The following C20orf203 variants were observed in gnomAD, a reference collection of about 807,000 sequenced individuals.
C20orf203 encodes uncharacterized protein C20orf203.
C20orf203 carries 16 observed loss-of-function variants against 15.9 expected under a neutral mutation model. The observed-to-expected ratio is 1.01, with a 90% CI of 0.68 to 1.53. C20orf203 has a LOEUF of 1.53. C20orf203 is among the 40% of genes most tolerant of loss of function. C20orf203 has a pLI of 0.00. For synonymous variants in C20orf203, 98 were observed against 97.2 expected, an observed-to-expected ratio of 1.01 and a Z score of -0.05; for missense variants, 263 against 247.5, an observed-to-expected ratio of 1.06 and a Z score of -0.42.
chr20:32,662,376 C>T (rs149409627), intron 1 of C20orf203, among the ~76,000 whole-genome samples: 2,516 of 152,216 alleles, frequency 0.017, 33 homozygotes, highest in Non-Finnish European at 0.027. Context: ...AGGGGGCAGG[C>T]AGATCACCTG....
chr20:32,641,436 G>A (rs764427838), intron 4 of C20orf203, among the ~76,000 whole-genome samples: 29 of 151,674 alleles, frequency 1.9e-4, no homozygotes, highest in Non-Finnish European at 3.1e-4. Context: ...TAACATTTGT[G>A]TAAGTCTGTG....
intron 4 of C20orf203, among the ~76,000 whole-genome samples, chr20:32,644,521 G>A (rs1281487616): frequency 6.6e-6 from 1 of 152,096 alleles, no homozygotes; most frequent in Non-Finnish European, 1.5e-5. Context: ...CCTATGGGTT[G>A]AGCCAGCCCA....
At position 32,650,773 on chromosome 20, in the gene C20orf203, G is replaced by A. The variant is rs867055508; in HGVS notation, c.244C>T (p.Arg82Cys). The stretch of plus-strand genomic sequence containing the variant: ...GGGTGTTGCGGAGGAGGAGGCTGGC[G>A]CTGGTGGCTGGGCTGGGGGTGGACT... The part of the protein sequence containing the change: ...QRVHPQPSHQ[R>C]QPPPPQHPGP... The change falls in exon 4 of 6, where the codon CGC becomes TGC. Residue 82 changes from arginine to cysteine, a missense_variant. Physicochemically the swap from Arg to Cys is radical, Grantham distance 180. Transcript: ENST00000608990. 2.6e-5 allele frequency: 40 copies of A among 1,514,040 alleles called. No individual in the cohort carries two copies. The highest frequency in any genetic ancestry group is 1.7e-4 in the Middle Eastern group (1 of 5,802). The allele number at this position is 1,514,040 out of a possible 1,614,324, so 93.8% of individuals were successfully genotyped here.
intron 4 of C20orf203, among the ~76,000 whole-genome samples, chr20:32,641,111 G>A (rs1259237368): frequency 6.6e-6 from 1 of 151,902 alleles, no homozygotes; most frequent in Admixed American, 6.6e-5. Context: ...TTGAGGCCAG[G>A]AGTTCGAGAC....
chr20:32,658,638 T>C (rs944782728), intron 1 of C20orf203, among the ~76,000 whole-genome samples: 3 of 152,202 alleles, frequency 2.0e-5, no homozygotes, highest in Non-Finnish European at 2.9e-5. Context: ...CAATTTTTGT[T>C]ACTGCAATGG....
At position 32,643,625 on chromosome 20, in the gene C20orf203, CCACACACACACACACACACACA is replaced by C. The variant is rs56325748; in HGVS notation, c.*1178-2960_*1178-2939del. ...GTGTAGACCCAGCCGCTTCCTGGAA[CCACACACACACACACACACACA>C]CACACACACACACACACACACACAC... On this transcript the variant is annotated intron_variant, in intron 4 of 5. Transcript: ENST00000608990. Among the ~76,000 whole-genome samples, 352 of 140,840 alleles carry C rather than the reference CCACACACACACACACACACACA, an allele frequency of 2.5e-3. 3 individuals carry two copies. The highest frequency in any genetic ancestry group is 2.6e-3 in the Non-Finnish European group (168 of 65,330). The allele number at this position is 140,840 out of a possible 152,430, so 92.4% of individuals were successfully genotyped here.
At chr20:32,666,433 C>T (rs1263739628) in intron 1 of C20orf203, among the ~76,000 whole-genome samples, 1 of 150,826 alleles carries the variant, frequency 6.6e-6, no homozygotes, top group Non-Finnish European at 1.5e-5. Flanking sequence ...TGCCACTGCA[C>T]TCCGGCTTGG....
chr20:32,665,659 G>T (rs572117364), intron 1 of C20orf203, among the ~76,000 whole-genome samples: 1 of 152,260 alleles, frequency 6.6e-6, no homozygotes, highest in Admixed American at 6.5e-5. Context: ...ATTTTTCCAG[G>T]AGCCACGACA....
intron 1 of C20orf203, among the ~76,000 whole-genome samples, chr20:32,666,206 T>C (rs1983020963): frequency 6.7e-6 from 1 of 148,826 alleles, no homozygotes; most frequent in Admixed American, 6.7e-5. Context: ...TGGTGGCTCA[T>C]GTGTAATCTC....
At chr20:32,651,477 T>C (rs1439373536) in intron 2 of C20orf203, among the ~76,000 whole-genome samples, 1 of 152,210 alleles carries the variant, frequency 6.6e-6, no homozygotes, top group Admixed American at 6.5e-5. Context: ...AAAGCAGGGC[T>C]GTAGGCTCAG....
chr20:32,637,399 G>C (rs1400027116), intron 5 of C20orf203, among the ~76,000 whole-genome samples: 1 of 152,174 alleles, frequency 6.6e-6, no homozygotes, highest in Non-Finnish European at 1.5e-5. Context: ...CTGGGTGATA[G>C]AGCAAGACTG....
chr20:32,642,777 A>G (rs985335701), intron 4 of C20orf203, among the ~76,000 whole-genome samples: 2 of 152,036 alleles, frequency 1.3e-5, no homozygotes, highest in Non-Finnish European at 2.9e-5. Context: ...CATCTTGAAC[A>G]CCCAGCTCTG....
chr20:32,634,494 G>T (rs888648631), intron 5 of C20orf203, among the ~76,000 whole-genome samples: 2 of 152,170 alleles, frequency 1.3e-5, no homozygotes, highest in Non-Finnish European at 2.9e-5. Flanking sequence ...GGGCTTCCGA[G>T]AATTTCATGT....
intron 5 of C20orf203, among the ~76,000 whole-genome samples, chr20:32,639,610 A>G (rs1437182188): frequency 1.4e-5 from 2 of 142,716 alleles, no homozygotes; most frequent in Non-Finnish European, 3.1e-5. Context: ...ACCCTGTAAC[A>G]ATATTTTTTT....
intron 1 of C20orf203, among the ~76,000 whole-genome samples, chr20:32,659,557 G>A (rs928273026): frequency 6.6e-6 from 1 of 152,248 alleles, no homozygotes; most frequent in African/African-American, 2.4e-5. Flanking sequence ...GGACCCAGGT[G>A]CTCAAAGTGG....
chr20:32,665,332 A>G (rs1426966450), intron 1 of C20orf203, among the ~76,000 whole-genome samples: 1 of 152,232 alleles, frequency 6.6e-6, no homozygotes. Context: ...GACACCTGAC[A>G]GGGAGCAGGT....
At chr20:32,634,309 G>C (rs1982080424) in intron 5 of C20orf203, 39 bp from the exon 6 acceptor site, 1 of 398,018 alleles carries the variant, frequency 2.5e-6, no homozygotes, top group African/African-American at 2.1e-5. Context: ...CAGGCATTGG[G>C]AGGGGAGGCG....
Position 32,650,238 on chromosome 20 carries a change from T to G in C20orf203, c.*194A>C. ...CTGGCACAGCCTCGGTCCCTAATCA[T>G]GTTTGCTGAATGCCTTGAATACAAG... is the stretch of plus-strand genomic sequence containing the variant. On this transcript the variant is annotated 3_prime_UTR_variant, in exon 4 of 6. Transcript: ENST00000608990. 1.7e-6 allele frequency: 1 copy of G among 586,950 alleles called. No individual in the cohort carries two copies. The highest frequency in any genetic ancestry group is 3.0e-6 in the Non-Finnish European group (1 of 329,526). The allele number at this position is 586,950 out of a possible 1,614,324, so 36.4% of individuals were successfully genotyped here.
At chr20:32,671,316 A>C (rs925124842) in intron 1 of C20orf203, among the ~76,000 whole-genome samples, 3 of 152,238 alleles carry the variant, frequency 2.0e-5, no homozygotes, top group African/African-American at 7.2e-5. Context: ...TAAACAACAT[A>C]TGGTGTGTAC....
Sources: gnomAD v4.1 joint callset for allele counts (sites outside exome capture counted in the v4.1 genomes callset) on GRCh38, gnomAD v4.1.1 for gene constraint, MANE v1.5 for transcripts, NCBI Gene and HGNC (gene_info 2026-07-23, HGNC 2026-07-21) for gene names.